TMEM117: variants seen among roughly 807,000 people sequenced by gnomAD.
The protein encoded by TMEM117 is transmembrane protein 117.
A neutral mutation model predicts 52.4 loss-of-function variants in TMEM117; 27 were observed. That is an observed-to-expected ratio of 0.51 (90% CI 0.38 to 0.71). The LOEUF (loss-of-function observed/expected upper bound fraction) is 0.71, where lower values mean the gene tolerates loss of function less well. TMEM117 is among the 30% of genes least tolerant of loss of function. The pLI, the probability that TMEM117 is intolerant of heterozygous loss-of-function variation, is 0.00. For missense variants in TMEM117, 556 were observed against 630.5 expected (o/e 0.88, Z 1.26); for synonymous variants, 215 against 206.3 (o/e 1.04, Z -0.36).
At chr12:43,804,284 C>T in the TMEM117 span, 1 of 551,276 alleles carries the variant, frequency 1.8e-6, no homozygotes, top group South Asian at 1.7e-5. Flanking sequence ...CATCAAAAAA[C>T]ATCTTTCTGT....
chr12:44,046,860 T>G (rs1167660309), intron 3 of TMEM117, among the ~76,000 whole-genome samples: 1 of 152,220 alleles, frequency 6.6e-6, no homozygotes, highest in South Asian at 2.1e-4. Flanking sequence ...TGTAATAGTA[T>G]TTTTGGGTTG....
intron 6 of TMEM117, among the ~76,000 whole-genome samples, chr12:44,332,178 G>T (rs995615901): frequency 6.6e-6 from 1 of 151,906 alleles, no homozygotes. Flanking sequence ...AACCTCTCTG[G>T]GTTCCAGTTT....
intron 6 of TMEM117, among the ~76,000 whole-genome samples, chr12:44,333,973 G>A (rs569108362): frequency 5.3e-5 from 8 of 152,074 alleles, no homozygotes. Flanking sequence ...CCTGAGGGAC[G>A]ATGCTAAACC....
At chr12:44,073,166 C>T (rs1009076267) in intron 3 of TMEM117, among the ~76,000 whole-genome samples, 1 of 151,928 alleles carries the variant, frequency 6.6e-6, no homozygotes, top group East Asian at 1.9e-4. Context: ...ATTTGCTTCC[C>T]TATTCTATAT....
At position 44,277,761 on chromosome 12, in the gene TMEM117, CTTTT is replaced by C. The variant is rs35687259; in HGVS notation, c.609-21800_609-21797del. Among the ~76,000 whole-genome samples the C allele has an allele frequency of 3.8e-3, 366 of 95,498 alleles. 1 individual carries two copies. The highest frequency in any genetic ancestry group is 0.016 in the African/African-American group (351 of 22,486). 62.7% of individuals were successfully genotyped at this position (95,498 alleles called of 152,430 possible). Reference sequence around the variant, plus strand: ...GCCACTAGCCAGACAAAACTCTGAGCTTTTTTTTTTTTTTTTTTTTTTGACAGAG... The same window carrying C: ...GCCACTAGCCAGACAAAACTCTGAGCTTTTTTTTTTTTTTTTTTGACAGAG... On this transcript the variant is annotated intron_variant, in intron 5 of 7. Transcript: ENST00000266534.
Position 43,927,450 on chromosome 12 carries a change from G to A in TMEM117, c.278-16760G>A, listed in dbSNP as rs530578879. Among the ~76,000 whole-genome samples the A allele has an allele frequency of 1.0e-4, 15 of 145,348 alleles. No individual in the cohort carries two copies. In the South Asian group the frequency reaches 2.8e-3, roughly 27 times the overall value. ...TCTTTGTTAATTTTTTTTGTTTTTG[G>A]TTTTTTTTTTGGTTTGCATGACTTA... On this transcript the variant is annotated intron_variant, in intron 2 of 7. Coordinates refer to ENST00000266534, the MANE Select transcript of TMEM117 (RefSeq NM_032256.3).
chr12:44,208,354 A>G (rs1380620389), intron 4 of TMEM117, among the ~76,000 whole-genome samples: 1 of 152,184 alleles, frequency 6.6e-6, no homozygotes, highest in Non-Finnish European at 1.5e-5. Context: ...TCTGAGACTC[A>G]AAGAGTTATG....
At chr12:44,305,535 C>A (rs1480091744) in intron 6 of TMEM117, among the ~76,000 whole-genome samples, 1 of 151,570 alleles carries the variant, frequency 6.6e-6, no homozygotes, top group African/African-American at 2.4e-5. Context: ...AGACAAGCAG[C>A]CAACAAGCAT....
chr12:43,852,372 A>C (rs969446442), intron 2 of TMEM117, among the ~76,000 whole-genome samples: 1 of 151,976 alleles, frequency 6.6e-6, no homozygotes, highest in African/African-American at 2.4e-5. Context: ...CAGAGCTTTC[A>C]GTGAGCCGAG....
At chr12:44,233,980 A>G (rs975232582) in intron 5 of TMEM117, among the ~76,000 whole-genome samples, 15 of 151,366 alleles carry the variant, frequency 9.9e-5, no homozygotes, top group African/African-American at 3.6e-4. Context: ...CTTGCATCTT[A>G]CTCTCCATAT....
chr12:44,117,927 T>C (rs1948172782), intron 3 of TMEM117, among the ~76,000 whole-genome samples: 1 of 152,174 alleles, frequency 6.6e-6, no homozygotes, highest in Non-Finnish European at 1.5e-5. Context: ...GTTTTGTTTG[T>C]AAATAATTTT....
At chr12:43,923,132 A>G (rs1198588111) in intron 2 of TMEM117, among the ~76,000 whole-genome samples, 6 of 152,176 alleles carry the variant, frequency 3.9e-5, no homozygotes, top group South Asian at 2.1e-4. Context: ...AAAATGGTCT[A>G]TCAGATATGT....
Position 44,191,299 on chromosome 12 carries a change from A to T in TMEM117, c.511-19991A>T, listed in dbSNP as rs560485135. 2.0e-5 allele frequency among the ~76,000 whole-genome samples: 3 copies of T among 152,264 alleles called. No homozygotes were observed. In the South Asian group the frequency reaches 6.2e-4, roughly 32 times the overall value. ...TCCCATGGCATGTAGGGATTATAGG[A>T]ACTACAATTCAAGATAAAATTTGGG... On this transcript the variant is annotated intron_variant, in intron 4 of 7. Coordinates refer to ENST00000266534, the MANE Select transcript of TMEM117 (RefSeq NM_032256.3).
chr12:44,148,777 A>G (rs112954804), intron 4 of TMEM117, among the ~76,000 whole-genome samples: 3 of 152,296 alleles, frequency 2.0e-5, no homozygotes, highest in African/African-American at 7.2e-5. Flanking sequence ...ACCAGGTATA[A>G]AATAGGTGCT....
At chr12:44,279,659 G>A (rs543253109) in intron 5 of TMEM117, among the ~76,000 whole-genome samples, 4 of 151,954 alleles carry the variant, frequency 2.6e-5, no homozygotes, top group African/African-American at 9.6e-5. Flanking sequence ...GATTACAGGC[G>A]CATGCCACCA....
At chr12:43,805,752 GAGAA>G in the TMEM117 span, 7 of 1,321,936 alleles carry the variant, frequency 5.3e-6, no homozygotes, top group Non-Finnish European at 7.0e-6. Context: ...CTACTGATGT[GAGAA>G]AGATTCTGGC....
At chr12:44,313,188 G>A (rs935510639) in intron 6 of TMEM117, among the ~76,000 whole-genome samples, 1 of 151,784 alleles carries the variant, frequency 6.6e-6, no homozygotes, top group Non-Finnish European at 1.5e-5. Context: ...TGCCAATCCT[G>A]TTATCTACAA....
intron 2 of TMEM117, among the ~76,000 whole-genome samples, chr12:43,942,290 G>GAATA (rs1281410441): frequency 6.6e-6 from 1 of 152,150 alleles, no homozygotes; most frequent in Non-Finnish European, 1.5e-5. Context: ...TTCAATGAAT[G>GAATA]AATAAATATT....
At chr12:43,862,417 A>G (rs1438369948) in intron 2 of TMEM117, among the ~76,000 whole-genome samples, 1 of 152,140 alleles carries the variant, frequency 6.6e-6, no homozygotes, top group African/African-American at 2.4e-5. Flanking sequence ...TTGGCCTCCC[A>G]AAGTGCTGGG....
Sources: gnomAD v4.1 joint callset for allele counts (sites outside exome capture counted in the v4.1 genomes callset) on GRCh38, gnomAD v4.1.1 for gene constraint, MANE v1.5 for transcripts, NCBI Gene and HGNC (gene_info 2026-07-23, HGNC 2026-07-21) for gene names.